GDF1: variants seen among roughly 807,000 people sequenced by gnomAD.
The protein encoded by GDF1 is growth differentiation factor 1, also known as embryonic growth/differentiation factor 1.
A neutral mutation model predicts 7.4 loss-of-function variants in GDF1; 8 were observed. That is an observed-to-expected ratio of 1.09 (90% confidence interval 0.64 to 1.96). GDF1 has a LOEUF of 1.96. Among genes scored for constraint, GDF1 ranks in the 30% most tolerant of loss-of-function variants. GDF1 has a pLI of 0.00. For synonymous variants in GDF1, 311 were observed against 276.7 expected, an observed-to-expected ratio of 1.12 and a Z score of -1.23; for missense variants, 574 against 551.5, an observed-to-expected ratio of 1.04 and a Z score of -0.41.
chr19:18,888,572 T>TG (rs2056418853), intron 2 of GDF1, among the ~76,000 whole-genome samples: 3 of 144,738 alleles, frequency 2.1e-5, no homozygotes, highest in South Asian at 4.4e-4. Flanking sequence ...GGCTCATGCC[T>TG]GTAATCCCAG....
intron 2 of GDF1, among the ~76,000 whole-genome samples, chr19:18,888,889 CTT>C (rs756124590): frequency 9.8e-5 from 12 of 122,900 alleles, no homozygotes; most frequent in South Asian, 2.6e-4. Flanking sequence ...TTCTTTCTTT[CTT>C]TTTTTTTTTT....
In GDF1 at chr19:18,868,563, T is replaced by G; in HGVS notation, c.*34A>C. 10 of 1,474,618 alleles carry G rather than the reference T, an allele frequency of 6.8e-6. No homozygotes were observed. Among genetic ancestry groups the G allele is most frequent in the Non-Finnish European group, 9.3e-6 (10 of 1,080,760 alleles). The allele number at this position is 1,474,618 out of a possible 1,614,324, so 91.3% of individuals were successfully genotyped here. On this transcript the variant is annotated 3_prime_UTR_variant, in exon 8 of 8. Coordinates refer to ENST00000247005, the MANE Select transcript of GDF1 (RefSeq NM_001492.6). The stretch of plus-strand genomic sequence containing the variant: ...ACCAGCGGAGCAGACCACGCGGCAT[T>G]TATTGTTGGGCCCGCGTCCCTGCCC...
chr19:18,880,193 G>C, intron 4 of GDF1, 81 bp downstream of exon 4: 2 of 1,375,560 alleles, frequency 1.5e-6, no homozygotes, highest in Non-Finnish European at 1.9e-6. Context: ...CTCCTTCCCT[G>C]CCTGGTCCCG....
chr19:18,876,841 A>G (rs1228329230), intron 6 of GDF1, among the ~76,000 whole-genome samples: 1 of 152,158 alleles, frequency 6.6e-6, no homozygotes, highest in African/African-American at 2.4e-5. Context: ...GTGCTTTGCT[A>G]TTAACTAAAC....
rs76932323 is a variant in GDF1 at position 18,887,983 on chromosome 19, C to T, written c.-913-3716G>A. ...CTATGAGTGGGATGACTGTAGGAAC[C>T]TCATATAAGTGGAATCACATAGTAT... On this transcript the variant is annotated intron_variant, in intron 2 of 7. Coordinates refer to ENST00000247005, the MANE Select transcript of GDF1 (RefSeq NM_001492.6). 7.3e-3 allele frequency among the ~76,000 whole-genome samples: 1,107 copies of T among 152,194 alleles called. 14 individuals are homozygous for T. Among genetic ancestry groups the T allele is most frequent in the African/African-American group, 0.025 (1,057 of 41,514 alleles).
In GDF1 at chr19:18,870,151, G is replaced by A. The variant is rs368516114; in HGVS notation, c.157C>T (p.Pro53Ser). The change falls in exon 7 of 8, where the codon CCC becomes TCC. Residue 53 changes from proline (P) to serine (S), a missense_variant. Physicochemically the swap from Pro to Ser is moderately conservative, Grantham distance 74. Coordinates refer to ENST00000247005, the MANE Select transcript of GDF1 (RefSeq NM_001492.6). The surrounding 1 kb of genome is among the most constrained non-coding windows in gnomAD (Gnocchi z 5.1). ...ACCGGGGGAACCGGCCGGAGCCTGG[G>A]GGCACCCTGGGGCTCATCGCGCAGT... ...LGLRDEPQGA[P>S]RLRPVPPVMW... 63 of 1,559,772 alleles carry A rather than the reference G, an allele frequency of 4.0e-5. No individual in the cohort carries two copies. The African/African-American group carries it at 6.3e-4, about 16-fold the overall frequency.
At chr19:18,876,899 C>G (rs774547436) in intron 6 of GDF1, among the ~76,000 whole-genome samples, 11 of 152,176 alleles carry the variant, frequency 7.2e-5, no homozygotes, top group Non-Finnish European at 1.0e-4. Flanking sequence ...GGTCCCTTTC[C>G]TGGTCCAGGA....
chr19:18,868,650 C>G lies in GDF1; in HGVS notation c.1066G>C (p.Val356Leu), dbSNP rs1056201063. 3 of 1,575,592 alleles carry G rather than the reference C, an allele frequency of 1.9e-6. No individual in the cohort carries two copies. Among genetic ancestry groups the G allele is most frequent in the Non-Finnish European group, 2.6e-6 (3 of 1,160,640 alleles). The change falls in exon 8 of 8, where the codon GTG becomes CTG. Residue 356 changes from valine (V) to leucine (L), a missense_variant. Physicochemically the swap from Val to Leu is conservative, Grantham distance 32. Transcript: ENST00000247005. ...ATGTCCTCATACTGCCGCAGCACCA[C>G]GTTGTCGCTGTTGTCAAAGAAGAGC... ...SVLFFDNSDN[V>L]VLRQYEDMVV...
At position 18,868,921 on chromosome 19, in the gene GDF1, GC is replaced by G; in HGVS notation, c.794del (p.Gly265AlafsTer10). On this transcript the variant is annotated frameshift_variant, in exon 8 of 8. Coordinates refer to ENST00000247005, the MANE Select transcript of GDF1 (RefSeq NM_001492.6). LOFTEE classifies it low-confidence loss of function (END_TRUNC). ...CGTACAGCCGCCGCGCGCGACAAGC[GC>G]CCCCGGGGCCGCCGCCCAACACGGG... Reference protein sequence around the residue: ...AEPVLGGGPGGACRARRLYVS... With the variant: ...AEPVLGGGPGXACRARRLYVS... 13 of 1,336,962 alleles carry G rather than the reference GC, an allele frequency of 9.7e-6. No individual in the cohort carries two copies. The highest frequency in any genetic ancestry group is 6.0e-5 in the Admixed American group (2 of 33,258). 82.8% of individuals were successfully genotyped at this position (1,336,962 alleles called of 1,614,324 possible). A position where few individuals can be genotyped will look rare whatever the true frequency, so the allele number is the denominator to read the frequency against.
chr19:18,893,909 G>GT lies in GDF1; in HGVS notation c.-1073-335dup, dbSNP rs1244431365. Among the ~76,000 whole-genome samples, 18 of 151,832 alleles carry GT rather than the reference G, an allele frequency of 1.2e-4. No homozygotes were observed. The East Asian group carries it at 3.3e-3, about 28-fold the overall frequency. ...GCGTCAGCCCAAGGGAGTTGGGCTG[G>GT]TGGGGGTGACCCTTGAAGGGAACAT... is the stretch of plus-strand genomic sequence containing the variant. On this transcript the variant is annotated intron_variant, in intron 1 of 7. Transcript: ENST00000247005.
chr19:18,868,732 G>C lies in GDF1; in HGVS notation c.984C>G (p.Ala328=), dbSNP rs766727386. The stretch of plus-strand genomic sequence containing the variant: ...AGCAGGGCAGGTCGGCGGCTCCCGG[G>C]GCGGCCGCGTGCATGAGCGCGCGCA... ...AVLRALMHAA[A]PGAADLPCCV... is the part of the protein sequence containing the mutation. The change falls in exon 8 of 8, where the codon GCC becomes GCG. Residue 328 remains alanine, a synonymous_variant. Coordinates refer to ENST00000247005, the MANE Select transcript of GDF1 (RefSeq NM_001492.6). 2 of 1,534,192 alleles carry C rather than the reference G, an allele frequency of 1.3e-6. No homozygotes were observed. The highest frequency in any genetic ancestry group is 1.8e-4 in the Middle Eastern group (1 of 5,646).
intron 6 of GDF1, among the ~76,000 whole-genome samples, chr19:18,874,908 C>G (rs528697229): frequency 6.6e-6 from 1 of 152,274 alleles, no homozygotes; most frequent in African/African-American, 2.4e-5. Context: ...AAGTGGTTCT[C>G]GGTCTTGGTT....
At chr19:18,871,562 A>G (rs987717561) in intron 6 of GDF1, among the ~76,000 whole-genome samples, 1 of 152,012 alleles carries the variant, frequency 6.6e-6, no homozygotes. Flanking sequence ...TGAGGTCGCT[A>G]TGTTGTAGAG....
chr19:18,893,948 T>C (rs1185704800), intron 1 of GDF1, among the ~76,000 whole-genome samples: 9 of 130,938 alleles, frequency 6.9e-5, no homozygotes, highest in Admixed American at 4.6e-4. Flanking sequence ...GGGGGTTATA[T>C]GGGGGCATCT....
At chr19:18,871,735 A>G (rs1391538031) in intron 6 of GDF1, among the ~76,000 whole-genome samples, 1 of 152,104 alleles carries the variant, frequency 6.6e-6, no homozygotes, top group Non-Finnish European at 1.5e-5. Context: ...GTCCCCATCC[A>G]AGGACTGTTG....
At chr19:18,883,329 C>A (rs1374946324) in intron 3 of GDF1, 4 of 152,094 alleles carry the variant, frequency 2.6e-5, no homozygotes, top group African/African-American at 9.7e-5. Flanking sequence ...ATAATGCATT[C>A]TAATTAATTC....
In GDF1 at chr19:18,868,771, G is replaced by A. The variant is rs2055901407; in HGVS notation, c.945C>T (p.Leu315=). 2 of 1,473,900 alleles carry A rather than the reference G, an allele frequency of 1.4e-6. No homozygotes were observed. Among genetic ancestry groups the A allele is most frequent in the Non-Finnish European group, 1.8e-6 (2 of 1,105,028 alleles). The allele number at this position is 1,473,900 out of a possible 1,614,324, so 91.3% of individuals were successfully genotyped here. A position where few individuals can be genotyped will look rare whatever the true frequency, so the allele number is the denominator to read the frequency against. The stretch of plus-strand genomic sequence containing the variant: ...TGAGCGCGCGCAGCACAGCGTGGTT[G>A]AGCGCCGGCGGCCCCCCGGACCCCG... ...ALSGSGGPPA[L]NHAVLRALMH... is the part of the protein sequence containing the mutation. The change falls in exon 8 of 8, where the codon CTC becomes CTT. Residue 315 remains leucine, a synonymous_variant. Transcript: ENST00000247005.
At position 18,893,581 on chromosome 19, in the gene GDF1, G is replaced by T. The variant is rs758882078; in HGVS notation, c.-1073-6C>A. 1 of 1,605,594 alleles carries T rather than the reference G, an allele frequency of 6.2e-7. No individual in the cohort carries two copies. The highest frequency in any genetic ancestry group is 8.5e-7 in the Non-Finnish European group (1 of 1,177,094). On this transcript the variant is annotated splice_polypyrimidine_tract_variant and splice_region_variant and intron_variant, in intron 1 of 7. Coordinates refer to ENST00000247005, the MANE Select transcript of GDF1 (RefSeq NM_001492.6). ...CAGCACCGCTTCGCCAGGGGCTATGGGGGAGAAGACAGGCGGGCAGCCATT... is the reference window on the plus strand; with the variant it reads ...CAGCACCGCTTCGCCAGGGGCTATGTGGGAGAAGACAGGCGGGCAGCCATT...
intron 3 of GDF1, among the ~76,000 whole-genome samples, chr19:18,882,749 G>A (rs2146027487): frequency 2.0e-5 from 3 of 152,170 alleles, no homozygotes; most frequent in African/African-American, 7.2e-5. Context: ...CTGGAGTGCA[G>A]TGGCATGATC....
Sources: allele counts gnomAD v4.1 joint callset (sites outside exome capture counted in the v4.1 genomes callset), GRCh38; gene constraint gnomAD v4.1.1; non-coding constraint Gnocchi (gnomAD v3.1); transcripts MANE v1.5; gene names NCBI Gene and HGNC (gene_info 2026-07-23, HGNC 2026-07-21).